MCC: variants seen among roughly 807,000 people sequenced by gnomAD.
The protein encoded by MCC is colorectal mutant cancer protein.
MCC carries 90 observed loss-of-function variants against 116.2 expected under a neutral mutation model. That is an observed-to-expected ratio of 0.77 (90% CI 0.65 to 0.92). MCC has a LOEUF of 0.92. MCC is among the 40% of genes least tolerant of loss of function. The pLI is 0.00. For synonymous variants in MCC, 578 were observed against 510.5 expected (o/e 1.13, Z -1.78); for missense variants, 1,516 against 1,312.2 (o/e 1.16, Z -2.40).
chr5:113,044,260 A>T (rs762392209), intron 16 of MCC, among the ~76,000 whole-genome samples: 6 of 152,166 alleles, frequency 3.9e-5, no homozygotes, highest in Non-Finnish European at 7.3e-5. Context: ...AGGAAAACAG[A>T]AGTGCAGCCC....
intron 1 of MCC, among the ~76,000 whole-genome samples, chr5:113,458,387 G>A (rs372283052): frequency 1.2e-4 from 18 of 151,606 alleles, no homozygotes; most frequent in African/African-American, 3.9e-4. Context: ...TCCTGAGCCA[G>A]CGGGACCACG....
At chr5:113,051,032 T>C (rs535842335) in intron 15 of MCC, among the ~76,000 whole-genome samples, 1 of 152,368 alleles carries the variant, frequency 6.6e-6, no homozygotes, top group Admixed American at 6.5e-5. Flanking sequence ...GAAAAATCTC[T>C]TTCCAGGAAT....
rs538662530 is a variant in MCC at position 113,413,608 on chromosome 5, G to A, written c.171-28396C>T. Among the ~76,000 whole-genome samples, 98 of 152,160 alleles carry A rather than the reference G, an allele frequency of 6.4e-4. 2 individuals carry two copies. Among genetic ancestry groups the A allele is most frequent in the East Asian group, 2.9e-3 (15 of 5,186 alleles). On this transcript the variant is annotated intron_variant, in intron 1 of 18. Transcript: ENST00000408903. ...TGGTAGTTTGTATTTCTGTGGGATC[G>A]GTAGTGATATCCCCTTTATCATTTT...
intron 1 of MCC, among the ~76,000 whole-genome samples, chr5:113,429,582 C>A (rs1770573879): frequency 6.6e-6 from 1 of 152,158 alleles, no homozygotes; most frequent in Non-Finnish European, 1.5e-5. Context: ...TGCATCACTC[C>A]TTTTTCTCAA....
rs1022990963 is a variant in MCC, at chr5:113,064,265, G to C, written c.2030-98C>G. 4 of 1,155,420 alleles carry C rather than the reference G, an allele frequency of 3.5e-6. No individual in the cohort carries two copies. In the Admixed American group the frequency reaches 9.2e-5, roughly 27 times the overall value. 71.6% of individuals were successfully genotyped at this position (1,155,420 alleles called of 1,614,324 possible). Reference sequence around the variant, plus strand: ...AATTAACTCTGTTACTTAGGGCAGAGGTGGCACTGTGGAAGGGAATTGGCA... The same window carrying C: ...AATTAACTCTGTTACTTAGGGCAGACGTGGCACTGTGGAAGGGAATTGGCA... On this transcript the variant is annotated intron_variant, in intron 13 of 18. Transcript: ENST00000408903.
intron 1 of MCC, chr5:113,435,640 G>A (rs935224663): frequency 2.6e-5 from 4 of 152,716 alleles, no homozygotes; most frequent in Admixed American, 6.5e-5. Flanking sequence ...TGGCCCCGGA[G>A]TCACGCAGTT....
In MCC at chr5:113,084,135, C is replaced by T. The variant is rs146838176; in HGVS notation, c.1601G>A (p.Arg534Gln). The T allele has an allele frequency of 1.7e-5, 28 of 1,614,000 alleles. No individual in the cohort carries two copies. Among genetic ancestry groups the T allele is most frequent in the Non-Finnish European group, 2.3e-5 (27 of 1,180,012 alleles). ...ACTGATTTCTGAGCCCAGGACTGGC[C>T]GATCAGATGATGACGATTCGGACCT... is the stretch of plus-strand genomic sequence containing the variant. ...KTRSESSSSD[R>Q]PVLGSEISSI... The change falls in exon 10 of 19, where the codon CGG (arginine) becomes CAG (glutamine). Residue 534 changes from arginine (R) to glutamine (Q), a missense_variant. Transcript: ENST00000408903.
intron 5 of MCC, among the ~76,000 whole-genome samples, chr5:113,129,870 C>G (rs1229777488): frequency 1.3e-5 from 2 of 152,214 alleles, no homozygotes; most frequent in African/African-American, 4.8e-5. Flanking sequence ...AATAGGAACA[C>G]TTTTACACTG....
chr5:113,310,426 A>C (rs574585303), intron 3 of MCC, among the ~76,000 whole-genome samples: 187 of 152,340 alleles, frequency 1.2e-3, no homozygotes, highest in Non-Finnish European at 1.5e-3. Context: ...AACGCTAAGA[A>C]ATAAAGTTCT....
At chr5:113,360,838 A>G (rs935891563) in intron 2 of MCC, among the ~76,000 whole-genome samples, 1 of 152,024 alleles carries the variant, frequency 6.6e-6, no homozygotes, top group Non-Finnish European at 1.5e-5. Flanking sequence ...ATGTCATTGT[A>G]GAGTTGGCTG....
chr5:113,310,167 T>C (rs1767102337), intron 3 of MCC, among the ~76,000 whole-genome samples: 1 of 152,226 alleles, frequency 6.6e-6, no homozygotes, highest in Admixed American at 6.5e-5. Flanking sequence ...TAATCCCCAA[T>C]GGAACAGCGT....
In MCC at chr5:113,029,006, C is replaced by G. The variant is rs141779698; in HGVS notation, c.2807G>C (p.Arg936Thr). ...RVQELVSALE[R>T]LTKSSEIRHQ... ...TCGGATTTCACTGCTCTTGGTGAGT[C>G]TCTCCAAGGCACTCACCAGCTCTTG... is the stretch of plus-strand genomic sequence containing the variant. Residue 936 changes from arginine to threonine, a missense_variant, in exon 18 of 19, where the codon AGA becomes ACA. By Grantham distance (71) the Arg-to-Thr change is moderately conservative. Transcript: ENST00000408903. The G allele has an allele frequency of 1.2e-6, 2 of 1,613,788 alleles. No homozygotes were observed. The highest frequency in any genetic ancestry group is 1.6e-4 in the Middle Eastern group (1 of 6,062).
intron 5 of MCC, among the ~76,000 whole-genome samples, chr5:113,125,848 T>C (rs1758018917): frequency 6.6e-6 from 1 of 152,180 alleles, no homozygotes; most frequent in Non-Finnish European, 1.5e-5. Context: ...ACAGGCATTC[T>C]TCTCAAGCAA....
intron 17 of MCC, among the ~76,000 whole-genome samples, chr5:113,029,268 G>C (rs1025483458): frequency 2.0e-5 from 3 of 151,654 alleles, no homozygotes; most frequent in African/African-American, 7.3e-5. Context: ...TCAATGACAA[G>C]GGCTTTTTAA....
At chr5:113,332,764 C>G (rs1332605842) in intron 3 of MCC, among the ~76,000 whole-genome samples, 1 of 151,616 alleles carries the variant, frequency 6.6e-6, no homozygotes, top group Non-Finnish European at 1.5e-5. Flanking sequence ...TCATCAGTAA[C>G]TTACCGATCT....
At chr5:113,053,663 C>G (rs1367184530) in intron 15 of MCC, 62 bp downstream of exon 15, 6 of 1,218,192 alleles carry the variant, frequency 4.9e-6, no homozygotes, top group Non-Finnish European at 6.0e-6. Flanking sequence ...GACCTGCTTT[C>G]AGAGGTTGTT....
At chr5:113,150,178 G>A (rs1226139684) in intron 4 of MCC, among the ~76,000 whole-genome samples, 2 of 152,128 alleles carry the variant, frequency 1.3e-5, no homozygotes, top group African/African-American at 4.8e-5. Flanking sequence ...CAGGTAAAAG[G>A]AACAGAGCCA....
At chr5:113,180,885 A>T (rs1761593994) in intron 3 of MCC, among the ~76,000 whole-genome samples, 2 of 152,238 alleles carry the variant, frequency 1.3e-5, no homozygotes, top group Admixed American at 1.3e-4. Flanking sequence ...ACGTAAAGTT[A>T]CTTACGTCCT....
intron 14 of MCC, among the ~76,000 whole-genome samples, chr5:113,055,159 T>A (rs1459722610): frequency 1.3e-5 from 2 of 152,200 alleles, no homozygotes; most frequent in African/African-American, 4.8e-5. Flanking sequence ...CATCAAGTGG[T>A]CAGCCGAGTC....
Sources: allele counts gnomAD v4.1 joint callset (sites outside exome capture counted in the v4.1 genomes callset), GRCh38; gene constraint gnomAD v4.1.1; transcripts MANE v1.5; gene names NCBI Gene and HGNC (gene_info 2026-07-23, HGNC 2026-07-21).